EYS: variants seen among roughly 807,000 people sequenced by gnomAD.
The protein encoded by EYS is protein eyes shut homolog.
EYS carries 250 observed loss-of-function variants against 282.1 expected under a neutral mutation model. That is an observed-to-expected ratio of 0.89 (90% CI 0.80 to 0.98). The LOEUF (loss-of-function observed/expected upper bound fraction) is 0.98. EYS is among the 50% of genes least tolerant of loss of function. EYS has a pLI of 0.00. For missense variants in EYS, 4,016 were observed against 3,709.0 expected (o/e 1.08, Z -2.15); for synonymous variants, 1,355 against 1,282.9 (o/e 1.06, Z -1.20).
rs1476671834 is a variant in EYS, at chr6:65,335,039, A to G, written c.1707T>C (p.Asp569=). 1.9e-6 allele frequency: 3 copies of G among 1,611,494 alleles called. No homozygotes were observed. The highest frequency in any genetic ancestry group is 2.2e-5 in the East Asian group (1 of 44,782). ...CATGTTGACACTCATTTTCTTGATC[A>G]TCAGTTGTATTTTCCAGATACATGT... ...AGNMYLENTT[D]DQENECQHEA... is the part of the protein sequence containing the mutation. Residue 569 remains aspartate, a synonymous_variant, in exon 11 of 43, where the codon GAT becomes GAC. Transcript: ENST00000503581.
chr6:65,337,761 C>A (rs1770044633), intron 10 of EYS, among the ~76,000 whole-genome samples: 1 of 150,600 alleles, frequency 6.6e-6, no homozygotes, highest in South Asian at 2.1e-4. Flanking sequence ...TATTTCTGCA[C>A]CTTATATATA....
rs1016666286 is a variant in EYS at position 64,054,334 on chromosome 6, G to GA, written c.6725+12003dup. On this transcript the variant is annotated intron_variant, in intron 33 of 42. Coordinates refer to ENST00000503581, the MANE Select transcript of EYS (RefSeq NM_001142800.2). ...AGAAAGCATAAGGTACAATTTCATA[G>GA]AAAAAAAACCCAGAATATTTAGGAA... 2.2e-3 allele frequency among the ~76,000 whole-genome samples: 331 copies of GA among 151,850 alleles called. 2 individuals are homozygous for GA. The highest frequency in any genetic ancestry group is 7.5e-3 in the African/African-American group (309 of 41,410).
intron 22 of EYS, among the ~76,000 whole-genome samples, chr6:64,753,634 TAA>T (rs1232762386): frequency 6.6e-6 from 1 of 150,706 alleles, no homozygotes; most frequent in Admixed American, 6.6e-5. Context: ...TGCTACTAGA[TAA>T]AAGAGATAGA....
At chr6:65,181,379 T>C (rs1365698046) in intron 12 of EYS, among the ~76,000 whole-genome samples, 4 of 151,672 alleles carry the variant, frequency 2.6e-5, no homozygotes, top group South Asian at 2.1e-4. Flanking sequence ...CAAACAACCC[T>C]ATCAAAAAAT....
At chr6:64,616,816 A>G (rs1256952701) in intron 24 of EYS, among the ~76,000 whole-genome samples, 1 of 152,150 alleles carries the variant, frequency 6.6e-6, no homozygotes, top group Non-Finnish European at 1.5e-5. Flanking sequence ...ATTTATAAAT[A>G]TACATTTAAA....
chr6:64,598,330 G>T (rs748180003), intron 24 of EYS, among the ~76,000 whole-genome samples: 3 of 152,260 alleles, frequency 2.0e-5, no homozygotes, highest in Admixed American at 1.3e-4. Flanking sequence ...CCTTGGTGGC[G>T]GGCGTCTGTA....
At chr6:64,140,810 A>C (rs758870939) in intron 31 of EYS, among the ~76,000 whole-genome samples, 6 of 152,036 alleles carry the variant, frequency 3.9e-5, no homozygotes. Flanking sequence ...ACTCTCCTTT[A>C]TGGTTTCTCT....
chr6:65,086,890 C>A (rs1047545476), intron 12 of EYS, among the ~76,000 whole-genome samples: 5 of 151,646 alleles, frequency 3.3e-5, no homozygotes, highest in African/African-American at 4.8e-5. Flanking sequence ...GTGGCACGAA[C>A]TCGGCTCACT....
intron 2 of EYS, among the ~76,000 whole-genome samples, chr6:65,617,545 T>C (rs1766249155): frequency 1.3e-5 from 2 of 151,514 alleles, no homozygotes; most frequent in Admixed American, 1.3e-4. Flanking sequence ...ATTTATAATA[T>C]ATTTTTTAAA....
chr6:65,218,824 T>G (rs1562029423), intron 12 of EYS, among the ~76,000 whole-genome samples: 1 of 152,018 alleles, frequency 6.6e-6, no homozygotes, highest in African/African-American at 2.4e-5. Context: ...TAAAGAGGAA[T>G]AAGGAGTAGG....
chr6:64,099,148 A>T (rs772285934), intron 31 of EYS, among the ~76,000 whole-genome samples: 1 of 152,182 alleles, frequency 6.6e-6, no homozygotes, highest in African/African-American at 2.4e-5. Flanking sequence ...TCAATGGCTC[A>T]TTAAGATTTC....
intron 12 of EYS, among the ~76,000 whole-genome samples, chr6:65,173,037 C>A (rs1418019097): frequency 6.6e-6 from 1 of 150,414 alleles, no homozygotes; most frequent in African/African-American, 2.4e-5. Context: ...AATTGAAATT[C>A]TCTACTTTAG....
intron 28 of EYS, among the ~76,000 whole-genome samples, chr6:64,413,906 T>C (rs943714859): frequency 6.6e-6 from 1 of 152,144 alleles, no homozygotes; most frequent in Admixed American, 6.6e-5. Context: ...ATAAGATTAG[T>C]GCCTTTAGAA....
chr6:64,306,501 A>T (rs116104585), intron 30 of EYS, among the ~76,000 whole-genome samples: 7 of 152,168 alleles, frequency 4.6e-5, no homozygotes, highest in Admixed American at 6.5e-5. Context: ...AGTTCACCCA[A>T]TTCAAAGCCA....
At chr6:65,156,452 A>T (rs1764732791) in intron 12 of EYS, among the ~76,000 whole-genome samples, 1 of 151,162 alleles carries the variant, frequency 6.6e-6, no homozygotes, top group African/African-American at 2.4e-5. Flanking sequence ...TTCCAAGTCC[A>T]ACTTCCTTCA....
intron 28 of EYS, among the ~76,000 whole-genome samples, chr6:64,428,240 C>A (rs1774470082): frequency 6.6e-6 from 1 of 151,956 alleles, no homozygotes; most frequent in Admixed American, 6.6e-5. Context: ...TTAATATAAC[C>A]TTGTTTTATT....
chr6:65,585,248 C>T (rs1765005529), intron 2 of EYS, among the ~76,000 whole-genome samples: 1 of 151,824 alleles, frequency 6.6e-6, no homozygotes, highest in South Asian at 2.1e-4. Context: ...TCATCATTTT[C>T]TGTATTTACC....
At chr6:64,864,624 T>C (rs1766362468) in intron 19 of EYS, among the ~76,000 whole-genome samples, 2 of 151,104 alleles carry the variant, frequency 1.3e-5, no homozygotes, top group South Asian at 2.1e-4. Flanking sequence ...GACCCTGTGA[T>C]CCACCTGCCG....
intron 13 of EYS, among the ~76,000 whole-genome samples, chr6:65,053,510 T>C (rs1217238845): frequency 6.6e-6 from 1 of 151,812 alleles, no homozygotes; most frequent in Non-Finnish European, 1.5e-5. Flanking sequence ...TATCAAAATA[T>C]ATGTTCATGC....
Sources: gnomAD v4.1 joint callset for allele counts (sites outside exome capture counted in the v4.1 genomes callset) on GRCh38, gnomAD v4.1.1 for gene constraint, MANE v1.5 for transcripts, NCBI Gene and HGNC (gene_info 2026-07-23, HGNC 2026-07-21) for gene names.